Variants in CCM2 observed in about 807,000 individuals in gnomAD.
CCM2 encodes the protein cerebral cavernous malformations 2 protein.
In CCM2, 25 loss-of-function variants were observed where a neutral mutation model predicts 44.9. That is an observed-to-expected ratio of 0.56 (90% CI 0.41 to 0.78). CCM2 has a LOEUF of 0.78. Ranked by LOEUF, CCM2 falls within the 30% of genes least tolerant of loss-of-function variation. CCM2 has a pLI of 0.00. For missense variants in CCM2, 481 were observed against 580.6 expected (o/e 0.83, Z 1.76); for synonymous variants, 219 against 241.1 (o/e 0.91, Z 0.85).
At chr7:45,024,641 CTTGA>C (rs1032201082) in intron 1 of CCM2, among the ~76,000 whole-genome samples, 4 of 152,048 alleles carry the variant, frequency 2.6e-5, no homozygotes, top group African/African-American at 9.7e-5. Context: ...TATTTTGCAC[CTTGA>C]TTGACAGTTT....
intron 1 of CCM2, among the ~76,000 whole-genome samples, chr7:45,034,314 C>T (rs527676931): frequency 3.2e-4 from 49 of 151,978 alleles, no homozygotes; most frequent in Middle Eastern, 3.4e-3. Context: ...CGGATTCAAG[C>T]GATTCTCCTT....
intron 3 of CCM2, 66 bp downstream of exon 3, chr7:45,064,067 C>T: frequency 8.7e-7 from 1 of 1,149,728 alleles, no homozygotes; most frequent in Admixed American, 1.7e-5. Context: ...TCCCTGTACT[C>T]TTGGCCTCGT....
At chr7:45,014,235 G>A (rs1292368944) in intron 1 of CCM2, among the ~76,000 whole-genome samples, 2 of 152,038 alleles carry the variant, frequency 1.3e-5, no homozygotes, top group African/African-American at 4.8e-5. Context: ...TGCCTCCCAG[G>A]TTCAAGCGAT....
chr7:44,999,804 CCGCGCGCGCTCCCG>C (rs1049724656), upstream of CCM2: 98 of 10,046 alleles, frequency 9.8e-3, no homozygotes, highest in African/African-American at 0.033. Context: ...GGAGCTGCTC[CCGCGCGCGCTCCCG>C]CGCGCGCTGA....
chr7:45,074,209 G>A (rs1799228629), intron 8 of CCM2, 61 bp from the exon 9 acceptor site: 1 of 1,609,950 alleles, frequency 6.2e-7, no homozygotes, highest in Admixed American at 1.7e-5. Flanking sequence ...GGCAAGGTGG[G>A]CCCGACTGCC....
intron 1 of CCM2, among the ~76,000 whole-genome samples, chr7:45,031,031 A>AT (rs1396201324): frequency 7.9e-5 from 12 of 151,724 alleles, no homozygotes; most frequent in East Asian, 7.7e-4. Context: ...GCCTCGATTT[A>AT]TTTTTTAACT....
At chr7:45,000,455 G>GC (rs1554353524) in intron 1 of CCM2, 92 bp downstream of exon 1, 2 of 212,752 alleles carry the variant, frequency 9.4e-6, no homozygotes, top group Non-Finnish European at 1.4e-5. Context: ...CTTGGGGCCC[G>GC]GGGGGGGGGG....
intron 1 of CCM2, among the ~76,000 whole-genome samples, chr7:45,011,161 A>T (rs1796050069): frequency 6.6e-6 from 1 of 152,050 alleles, no homozygotes; most frequent in Admixed American, 6.6e-5. Context: ...CCTCCCAAGT[A>T]GTTAGGACGA....
chr7:45,044,707 G>A (rs569211642), intron 2 of CCM2, among the ~76,000 whole-genome samples: 22 of 152,264 alleles, frequency 1.4e-4, no homozygotes, highest in African/African-American at 5.3e-4. Flanking sequence ...CCATTTTCTA[G>A]AGGTAGGGAA....
intron 1 of CCM2, chr7:45,027,823 C>T (rs775996355): frequency 4.1e-5 from 66 of 1,612,812 alleles, no homozygotes; most frequent in African/African-American, 1.3e-4. Context: ...GTGTGGAAAG[C>T]GCCATTTAGA....
intron 1 of CCM2, among the ~76,000 whole-genome samples, chr7:45,019,144 A>G (rs1438050359): frequency 2.2e-5 from 3 of 138,880 alleles, no homozygotes; most frequent in Non-Finnish European, 3.1e-5. Context: ...GCTCACTGCA[A>G]CCTTGCAACC....
At chr7:45,064,731 G>A in intron 4 of CCM2, 85 bp downstream of exon 4, 3 of 1,421,100 alleles carry the variant, frequency 2.1e-6, no homozygotes, top group South Asian at 1.2e-5. Context: ...AGTTTTTGCA[G>A]CTTCGTGTTG....
At chr7:45,073,607 G>A in intron 8 of CCM2, 36 bp downstream of exon 8, 1 of 1,480,908 alleles carries the variant, frequency 6.8e-7, no homozygotes, top group Non-Finnish European at 9.3e-7. Flanking sequence ...GGCTGCATGA[G>A]GGAGGGGGTG....
Position 45,000,298 on chromosome 7 carries a change from C to G in CCM2, c.-36C>G, listed in dbSNP as rs2128707775. 8.5e-7 allele frequency: 1 copy of G among 1,174,988 alleles called. No individual in the cohort carries two copies. The highest frequency in any genetic ancestry group is 1.1e-6 in the Non-Finnish European group (1 of 948,502). The allele number at this position is 1,174,988 out of a possible 1,614,324, so 72.8% of individuals were successfully genotyped here. A position where few individuals can be genotyped will look rare whatever the true frequency, so the allele number is the denominator to read the frequency against. On this transcript the variant is annotated 5_prime_UTR_variant, in exon 1 of 10. Coordinates refer to ENST00000258781, the MANE Select transcript of CCM2 (RefSeq NM_031443.4). The stretch of plus-strand genomic sequence containing the variant: ...GCTGCTGGCGGCGGGGCTCCCGGGG[C>G]GGGCCGGGCGGGCCGCGGGAGCCGC...
intron 1 of CCM2, among the ~76,000 whole-genome samples, chr7:45,007,232 C>A (rs1476618): frequency 0.48 from 72,575 of 151,918 alleles, 18,645 homozygotes; most frequent in East Asian, 0.7. Flanking sequence ...TGGGAGCTGG[C>A]ACAGTCAGGG....
In CCM2 at chr7:45,039,562, A is replaced by G. The variant is rs1797381545; in HGVS notation, c.204+1136A>G. ...TGAGGACAACTTTCAACCTAAAGGCAGAGCTCAAGACAAATACACAAACAT... is the reference window on the plus strand; with the variant it reads ...TGAGGACAACTTTCAACCTAAAGGCGGAGCTCAAGACAAATACACAAACAT... On this transcript the variant is annotated intron_variant, in intron 2 of 9. Coordinates refer to ENST00000258781, the MANE Select transcript of CCM2 (RefSeq NM_031443.4). Among the ~76,000 whole-genome samples, 4 of 152,254 alleles carry G rather than the reference A, an allele frequency of 2.6e-5. No individual in the cohort carries two copies. The South Asian group carries it at 8.3e-4, about 31-fold the overall frequency.
intron 1 of CCM2, among the ~76,000 whole-genome samples, chr7:45,036,082 G>A (rs1797203766): frequency 6.6e-6 from 1 of 152,136 alleles, no homozygotes; most frequent in South Asian, 2.1e-4. Context: ...GCATGCCGGA[G>A]CAGAGATCAT....
At chr7:45,018,447 C>T (rs1378635745) in intron 1 of CCM2, among the ~76,000 whole-genome samples, 3 of 151,940 alleles carry the variant, frequency 2.0e-5, no homozygotes, top group African/African-American at 7.3e-5. Context: ...ACCTCCACCT[C>T]CTGGGTTCAA....
At chr7:45,004,237 A>G (rs1382512585) in intron 1 of CCM2, among the ~76,000 whole-genome samples, 1 of 152,212 alleles carries the variant, frequency 6.6e-6, no homozygotes, top group Non-Finnish European at 1.5e-5. Flanking sequence ...TAAATAATAA[A>G]TAAGGAATTA....
Sources: allele counts gnomAD v4.1 joint callset (sites outside exome capture counted in the v4.1 genomes callset), GRCh38; gene constraint gnomAD v4.1.1; transcripts MANE v1.5; gene names NCBI Gene and HGNC (gene_info 2026-07-23, HGNC 2026-07-21).